CDH13: variants seen among roughly 807,000 people sequenced by gnomAD.
CDH13 encodes the protein cadherin-13.
CDH13 carries 24 observed loss-of-function variants against 63.8 expected under a neutral mutation model. That is an observed-to-expected ratio of 0.38 (90% confidence interval 0.27 to 0.53). The LOEUF is 0.53. CDH13 is among the 20% of genes least tolerant of loss of function. The pLI is 0.85. For synonymous variants in CDH13, 503 were observed against 355.3 expected, an observed-to-expected ratio of 1.42 and a Z score of -4.67; for missense variants, 1,049 against 903.1, an observed-to-expected ratio of 1.16 and a Z score of -2.07.
chr16:82,740,882 A>G (rs963835699), intron 1 of CDH13, among the ~76,000 whole-genome samples: 1 of 152,204 alleles, frequency 6.6e-6, no homozygotes, highest in African/African-American at 2.4e-5. Flanking sequence ...AAATTGGGAA[A>G]AATAATACAT....
chr16:83,457,776 C>T (rs1445753433), intron 6 of CDH13, among the ~76,000 whole-genome samples: 1 of 152,184 alleles, frequency 6.6e-6, no homozygotes, highest in Admixed American at 6.5e-5. Flanking sequence ...ACCCACTCCG[C>T]ATCCAAGATC....
chr16:83,195,393 A>T (rs1314383990), intron 4 of CDH13, among the ~76,000 whole-genome samples: 2 of 152,212 alleles, frequency 1.3e-5, no homozygotes, highest in African/African-American at 2.4e-5. Flanking sequence ...TCCAGGAAGC[A>T]GAGTAAGCAG....
rs563519586 is a variant in CDH13 at position 83,777,522 on chromosome 16, G to A, written c.1682-2446G>A. 3.9e-5 allele frequency among the ~76,000 whole-genome samples: 6 copies of A among 152,368 alleles called. No homozygotes were observed. The South Asian group carries it at 1.0e-3, about 26-fold the overall frequency. On this transcript the variant is annotated intron_variant, in intron 11 of 13. Transcript: ENST00000567109. ...TGCCTGCCCCTCTCAGGACACAGCT[G>A]CTGCTGTAAAACTGCTGAGAAGCAG... is the stretch of plus-strand genomic sequence containing the variant.
intron 2 of CDH13, among the ~76,000 whole-genome samples, chr16:82,895,904 C>T (rs944961027): frequency 1.3e-5 from 2 of 152,122 alleles, no homozygotes; most frequent in African/African-American, 2.4e-5. Flanking sequence ...ATCAGCCTCC[C>T]CTCTGCTCTT....
At chr16:83,011,612 T>A (rs193280836) in intron 2 of CDH13, among the ~76,000 whole-genome samples, 129 of 152,298 alleles carry the variant, frequency 8.5e-4, no homozygotes, top group African/African-American at 3.0e-3. Flanking sequence ...GAAACATGCA[T>A]ACACACATAT....
At chr16:83,019,411 T>C (rs1347428893) in intron 2 of CDH13, among the ~76,000 whole-genome samples, 24 of 152,224 alleles carry the variant, frequency 1.6e-4, no homozygotes, top group Admixed American at 1.6e-3. Flanking sequence ...ATAACACGCA[T>C]GGAGCCATCT....
intron 5 of CDH13, among the ~76,000 whole-genome samples, chr16:83,257,768 C>T (rs1159587923): frequency 6.6e-6 from 1 of 152,092 alleles, no homozygotes; most frequent in Non-Finnish European, 1.5e-5. Flanking sequence ...ATTTATATTC[C>T]TTTGTGTATA....
chr16:83,112,930 C>T (rs2035129379), intron 3 of CDH13, among the ~76,000 whole-genome samples: 1 of 152,120 alleles, frequency 6.6e-6, no homozygotes, highest in African/African-American at 2.4e-5. Flanking sequence ...AATTACAGCA[C>T]TTATAAAGGA....
At chr16:83,715,642 C>T (rs993940515) in intron 10 of CDH13, among the ~76,000 whole-genome samples, 2 of 152,096 alleles carry the variant, frequency 1.3e-5, no homozygotes, top group Non-Finnish European at 2.9e-5. Flanking sequence ...TCTTTGAGGG[C>T]TGTGTGTCGC....
At chr16:82,844,952 G>T (rs1385796987) in intron 1 of CDH13, among the ~76,000 whole-genome samples, 1 of 151,986 alleles carries the variant, frequency 6.6e-6, no homozygotes, top group African/African-American at 2.4e-5. Flanking sequence ...ACCGCACCTG[G>T]CCAATAAAGT....
chr16:83,151,269 C>A (rs1391309978), intron 4 of CDH13, among the ~76,000 whole-genome samples: 1 of 152,196 alleles, frequency 6.6e-6, no homozygotes, highest in Admixed American at 6.5e-5. Context: ...GTGAGACTAA[C>A]TGCATTAGAA....
chr16:83,672,407 C>CTTTTT (rs1379215242), intron 9 of CDH13, among the ~76,000 whole-genome samples: 5 of 55,178 alleles, frequency 9.1e-5, no homozygotes, highest in Non-Finnish European at 1.5e-4. Flanking sequence ...TCTCTGGATT[C>CTTTTT]TCTTTTTTTT....
intron 6 of CDH13, among the ~76,000 whole-genome samples, chr16:83,361,961 A>C (rs900668166): frequency 6.6e-6 from 1 of 152,206 alleles, no homozygotes; most frequent in Non-Finnish European, 1.5e-5. Flanking sequence ...TCTATCAAAA[A>C]TGATCTTGGT....
chr16:83,009,001 G>C (rs562035480), intron 2 of CDH13, among the ~76,000 whole-genome samples: 1 of 152,296 alleles, frequency 6.6e-6, no homozygotes, highest in South Asian at 2.1e-4. Flanking sequence ...AAAACCATCA[G>C]ATCTCGTGAG....
chr16:83,152,815 T>G (rs1405706742), intron 4 of CDH13, among the ~76,000 whole-genome samples: 1 of 152,102 alleles, frequency 6.6e-6, no homozygotes, highest in Non-Finnish European at 1.5e-5. Flanking sequence ...TTAGTTAAGA[T>G]GGGGTTATAC....
At chr16:83,007,083 G>A (rs1389324341) in intron 2 of CDH13, among the ~76,000 whole-genome samples, 1 of 151,962 alleles carries the variant, frequency 6.6e-6, no homozygotes, top group African/African-American at 2.4e-5. Flanking sequence ...ACCACGCCCA[G>A]CTAATTTTTT....
At chr16:83,228,769 G>A (rs1170102500) in intron 5 of CDH13, among the ~76,000 whole-genome samples, 2 of 152,204 alleles carry the variant, frequency 1.3e-5, no homozygotes. Context: ...TAAGGAGTGA[G>A]CTTAGACATG....
chr16:83,206,435 G>A (rs112032221), intron 4 of CDH13, among the ~76,000 whole-genome samples: 2,815 of 152,278 alleles, frequency 0.018, 78 homozygotes, highest in African/African-American at 0.064. Context: ...ATGACGTGCT[G>A]CAATGGCAGA....
chr16:83,272,127 C>A (rs955786257), intron 5 of CDH13, among the ~76,000 whole-genome samples: 2 of 152,118 alleles, frequency 1.3e-5, no homozygotes, highest in South Asian at 2.1e-4. Context: ...TATGGAGTAC[C>A]TCTCTCAGTC....
Sources: gnomAD v4.1 joint callset for allele counts (sites outside exome capture counted in the v4.1 genomes callset) on GRCh38, gnomAD v4.1.1 for gene constraint, MANE v1.5 for transcripts, NCBI Gene and HGNC (gene_info 2026-07-23, HGNC 2026-07-21) for gene names.